DACH2: variants seen among roughly 807,000 people sequenced by gnomAD.
The protein encoded by DACH2 is dachshund homolog 2.
Under a neutral mutation model 35.8 loss-of-function variants are expected in DACH2, and 17 were observed. The ratio of observed to expected loss-of-function variants is 0.48; its 90% CI spans 0.33 to 0.71. The LOEUF (loss-of-function observed/expected upper bound fraction) is 0.71. DACH2 is among the 30% of genes least tolerant of loss of function. The pLI is 0.02. For missense variants in DACH2, 469 were observed against 472.7 expected (o/e 0.99, Z 0.07); for synonymous variants, 195 against 177.3 (o/e 1.10, Z -0.79).
intron 2 of DACH2, among the ~76,000 whole-genome samples, chrX:86,385,420 A>C (rs1447064503): frequency 1.8e-5 from 2 of 111,343 alleles, no homozygotes; most frequent in Non-Finnish European, 3.8e-5. Context: ...TGGACTGAAA[A>C]TATTTGAAAA....
At chrX:86,246,385 A>C (rs1277586738) in intron 1 of DACH2, among the ~76,000 whole-genome samples, 1 of 81,219 alleles carries the variant, frequency 1.2e-5, no homozygotes, top group Non-Finnish European at 2.5e-5. Context: ...CAAGGTCAAC[A>C]GGAAAGAAAA....
intron 7 of DACH2, among the ~76,000 whole-genome samples, chrX:86,763,650 C>T (rs956193986): frequency 9.0e-6 from 1 of 110,965 alleles, no homozygotes; most frequent in Non-Finnish European, 1.9e-5. Context: ...GTCAGGGTTT[C>T]ACCGTGTTAG....
intron 1 of DACH2, among the ~76,000 whole-genome samples, chrX:86,299,906 A>T (rs1464418310): frequency 9.0e-6 from 1 of 111,487 alleles, no homozygotes; most frequent in Non-Finnish European, 1.9e-5. Context: ...TATTTTTTAA[A>T]TTTTTTATTG....
At chrX:86,379,489 C>T (rs936096941) in intron 2 of DACH2, among the ~76,000 whole-genome samples, 2 of 105,986 alleles carry the variant, frequency 1.9e-5, no homozygotes, top group African/African-American at 6.9e-5. Flanking sequence ...ATTCCAATCT[C>T]TCTAGGAAAA....
chrX:86,813,297 T>TTACAGAG lies in DACH2; in HGVS notation c.1537+22_1537+28dup. On this transcript the variant is annotated intron_variant, in intron 9 of 11. Coordinates refer to ENST00000373125, the MANE Select transcript of DACH2 (RefSeq NM_053281.3). ...GCAGAAGTAAGTTTTACAAGTTCAA[T>TTACAGAG]TACAGAGTGAATATTATGTTGGGGG... The TTACAGAG allele has an allele frequency of 2.6e-6, 3 of 1,171,350 alleles. No individual in the cohort carries two copies. The Middle Eastern group carries it at 7.8e-4, about 303-fold the overall frequency.
At chrX:86,684,194 A>T (rs190314920) in intron 4 of DACH2, among the ~76,000 whole-genome samples, 6 of 111,775 alleles carry the variant, frequency 5.4e-5, no homozygotes, top group Admixed American at 2.9e-4. Flanking sequence ...ATATCGATTT[A>T]TTGGTCAACA....
At chrX:86,468,671 C>T (rs2037712962) in intron 2 of DACH2, among the ~76,000 whole-genome samples, 1 of 111,386 alleles carries the variant, frequency 9.0e-6, no homozygotes, top group African/African-American at 3.3e-5. Flanking sequence ...ATTTATAGGC[C>T]TACAAAACAA....
chrX:86,511,362 A>C (rs965917087), intron 2 of DACH2, among the ~76,000 whole-genome samples: 1 of 111,605 alleles, frequency 9.0e-6, no homozygotes, highest in African/African-American at 3.3e-5. Context: ...CAATTAATTT[A>C]CTCTTGGGGC....
intron 1 of DACH2, among the ~76,000 whole-genome samples, chrX:86,249,599 G>A (rs750802478): frequency 5.2e-4 from 58 of 111,391 alleles, no homozygotes; most frequent in Non-Finnish European, 9.5e-4. Flanking sequence ...ATACACTGCC[G>A]GTATGAATAT....
intron 2 of DACH2, among the ~76,000 whole-genome samples, chrX:86,451,445 GT>G (rs2037376203): frequency 9.0e-6 from 1 of 111,539 alleles, no homozygotes; most frequent in Non-Finnish European, 1.9e-5. Context: ...GTGCCAGGCT[GT>G]TTTGGTTGCT....
At chrX:86,554,678 C>G (rs1192817443) in intron 3 of DACH2, among the ~76,000 whole-genome samples, 1 of 111,520 alleles carries the variant, frequency 9.0e-6, no homozygotes, top group Non-Finnish European at 1.9e-5. Flanking sequence ...TGAGTCCTAT[C>G]TAACGACCAA....
Position 86,773,428 on chromosome X carries a change from CTA to C in DACH2, c.1240+33548_1240+33549del, listed in dbSNP as rs1331639418. On this transcript the variant is annotated intron_variant, in intron 7 of 11. Coordinates refer to ENST00000373125, the MANE Select transcript of DACH2 (RefSeq NM_053281.3). ...TTCTGACAGAATGAAGTGTTGAAGA[CTA>C]TTTTATATATAATGCATATACTTCA... Among the ~76,000 whole-genome samples, 4 of 111,686 alleles carry C rather than the reference CTA, an allele frequency of 3.6e-5. No homozygotes were observed. The Admixed American group carries it at 3.8e-4, about 11-fold the overall frequency.
rs200723764 is a variant in DACH2 at position 86,673,357 on chromosome X, A to G, written c.773-21664A>G. 5.1e-3 allele frequency among the ~76,000 whole-genome samples: 549 copies of G among 107,662 alleles called. 6 individuals carry two copies. The highest frequency in any genetic ancestry group is 0.018 in the African/African-American group (518 of 29,083). 93.5% of individuals were successfully genotyped at this position (107,662 alleles called of 115,157 possible). A position where few individuals can be genotyped will look rare whatever the true frequency, so the allele number is the denominator to read the frequency against. On this transcript the variant is annotated intron_variant, in intron 4 of 11. Transcript: ENST00000373125. ...TCTCAAAAAAAAAAAAAAAAAAAAA[A>G]AAGAAGAAGAAGAATATTTTGGAGC...
chrX:86,359,000 G>A (rs1331945943), intron 1 of DACH2, among the ~76,000 whole-genome samples: 3 of 110,351 alleles, frequency 2.7e-5, no homozygotes, highest in African/African-American at 9.9e-5. Flanking sequence ...TATAGCCAGT[G>A]GAATGTGATA....
intron 1 of DACH2, among the ~76,000 whole-genome samples, chrX:86,295,136 G>C (rs992432193): frequency 8.9e-6 from 1 of 112,780 alleles, no homozygotes; most frequent in Non-Finnish European, 1.9e-5. Context: ...CGTTTTTTAA[G>C]CCCATCGGAA....
At chrX:86,679,618 G>GTC (rs2040857682) in intron 4 of DACH2, among the ~76,000 whole-genome samples, 2 of 40,623 alleles carry the variant, frequency 4.9e-5, no homozygotes, top group Non-Finnish European at 1.1e-4. Flanking sequence ...CTCTGTCTCT[G>GTC]TGTGTGTGTG....
Position 86,420,970 on chromosome X carries a change from A to T in DACH2, c.527+44108A>T, listed in dbSNP as rs1354469984. 6.3e-5 allele frequency among the ~76,000 whole-genome samples: 7 copies of T among 111,034 alleles called. No individual in the cohort carries two copies. In the Admixed American group the frequency reaches 6.8e-4, roughly 11 times the overall value. On this transcript the variant is annotated intron_variant, in intron 2 of 11. Coordinates refer to ENST00000373125, the MANE Select transcript of DACH2 (RefSeq NM_053281.3). ...AAATCAAGCCCAAAGAAAAATATAA[A>T]TATATATTATGAAAGAGTTTTCAGG...
chrX:86,826,514 G>C (rs1364607534), intron 11 of DACH2, among the ~76,000 whole-genome samples: 2 of 111,024 alleles, frequency 1.8e-5, no homozygotes, highest in Non-Finnish European at 3.8e-5. Context: ...TTCCAAAATA[G>C]TACTCTTCTC....
intron 3 of DACH2, among the ~76,000 whole-genome samples, chrX:86,549,056 G>A (rs2039012369): frequency 9.0e-6 from 1 of 111,441 alleles, no homozygotes; most frequent in Admixed American, 9.6e-5. Context: ...ATTGTTGAGG[G>A]ATTTCTGCCT....
Sources: allele counts gnomAD v4.1 joint callset (sites outside exome capture counted in the v4.1 genomes callset), GRCh38; gene constraint gnomAD v4.1.1; transcripts MANE v1.5; gene names NCBI Gene and HGNC (gene_info 2026-07-23, HGNC 2026-07-21).